Variants in FANCI observed in about 807,000 individuals in gnomAD.
FANCI encodes Fanconi anemia group I protein.
Under a neutral mutation model 176.1 loss-of-function variants are expected in FANCI, and 156 were observed. That is an observed-to-expected ratio of 0.89 (90% CI 0.78 to 1.01). The LOEUF (loss-of-function observed/expected upper bound fraction) is 1.01, where lower values mean the gene tolerates loss of function less well. FANCI is among the 50% of genes least tolerant of loss of function. The probability of loss-of-function intolerance (pLI) is 0.00; values close to 1 mark genes in which losing one functional copy is unlikely to be tolerated. For missense variants in FANCI, 1,678 were observed against 1,534.1 expected (o/e 1.09, Z -1.57); for synonymous variants, 613 against 541.7 (o/e 1.13, Z -1.83).
intron 14 of FANCI, among the ~76,000 whole-genome samples, chr15:89,278,975 A>G (rs2151514323): frequency 6.6e-6 from 1 of 152,334 alleles, no homozygotes. Context: ...GAAAGCAACA[A>G]TTAACCAATA....
chr15:89,293,187 G>A, intron 22 of FANCI, 124 bp downstream of exon 22: 1 of 1,028,684 alleles, frequency 9.7e-7, no homozygotes, highest in Non-Finnish European at 1.5e-6. Context: ...TCTTAAATGA[G>A]CACCTAGTCT....
chr15:89,281,195 T>G lies in FANCI; in HGVS notation c.1407T>G (p.Tyr469Ter). The G allele has an allele frequency of 6.2e-7, 1 of 1,613,846 alleles. No homozygotes were observed. Among genetic ancestry groups the G allele is most frequent in the Non-Finnish European group, 8.5e-7 (1 of 1,179,796 alleles). ...FLDLLSNIVM[Y>*]APLVLQSCSS... ...ACCTGCTTTCAAATATCGTCATGTA[T>G]GCACCCTTAGTTCTTCAAAGTTGTT... The change falls in exon 15 of 38, where the codon TAT (tyrosine) becomes TAG (stop). Residue 469 changes from tyrosine (Y) to a stop codon, truncating the protein, a stop_gained. Coordinates refer to ENST00000310775, the MANE Select transcript of FANCI (RefSeq NM_001113378.2). LOFTEE classifies it high-confidence loss of function.
intron 10 of FANCI, among the ~76,000 whole-genome samples, chr15:89,269,711 A>T (rs995238232): frequency 2.0e-5 from 3 of 152,232 alleles, no homozygotes; most frequent in Non-Finnish European, 4.4e-5. Flanking sequence ...GAAGGCAGCC[A>T]TAGACAAAAT....
At chr15:89,311,882 G>A (rs949918750) in intron 34 of FANCI, among the ~76,000 whole-genome samples, 4 of 152,116 alleles carry the variant, frequency 2.6e-5, no homozygotes, top group Non-Finnish European at 4.4e-5. Flanking sequence ...TTTCTGTACC[G>A]TACCTTACAT....
intron 2 of FANCI, among the ~76,000 whole-genome samples, chr15:89,249,737 G>T (rs927875712): frequency 1.3e-5 from 2 of 152,156 alleles, no homozygotes; most frequent in Non-Finnish European, 2.9e-5. Flanking sequence ...ACAACTTCTT[G>T]AAATGAAAAC....
intron 2 of FANCI, among the ~76,000 whole-genome samples, chr15:89,253,066 A>G (rs1436311078): frequency 6.6e-6 from 1 of 152,214 alleles, no homozygotes; most frequent in African/African-American, 2.4e-5. Context: ...TTTTATAAAT[A>G]AGAGTGCAGT....
chr15:89,250,512 G>A (rs1402702405), intron 2 of FANCI, among the ~76,000 whole-genome samples: 3 of 148,032 alleles, frequency 2.0e-5, no homozygotes, highest in Admixed American at 1.4e-4. Flanking sequence ...ACTTGGACAC[G>A]GGAATGGGAA....
chr15:89,247,695 A>G lies in FANCI; in HGVS notation c.48A>G (p.Lys16=). 6.2e-7 allele frequency: 1 copy of G among 1,614,022 alleles called. No homozygotes were observed. Among genetic ancestry groups the G allele is most frequent in the Non-Finnish European group, 8.5e-7 (1 of 1,179,980 alleles). Residue 16 remains lysine, a synonymous_variant, in exon 2 of 38, where the codon AAA becomes AAG. Coordinates refer to ENST00000310775, the MANE Select transcript of FANCI (RefSeq NM_001113378.2). ...TAGCAGCAGAAAAAACAGCAGACAA[A>G]CTGCAAGAATTTCTTCAAACCCTGA... ...LSLAAEKTAD[K]LQEFLQTLRE...
intron 2 of FANCI, among the ~76,000 whole-genome samples, chr15:89,248,046 A>G (rs1444706043): frequency 6.6e-6 from 1 of 152,252 alleles, no homozygotes; most frequent in Non-Finnish European, 1.5e-5. Context: ...TTTGATGATA[A>G]TATCCAGACT....
chr15:89,293,962 G>T lies in FANCI; in HGVS notation c.2421G>T (p.Met807Ile). Residue 807 changes from methionine (M) to isoleucine (I), a missense_variant, in exon 23 of 38, where the codon ATG (methionine) becomes ATT (isoleucine). Coordinates refer to ENST00000310775, the MANE Select transcript of FANCI (RefSeq NM_001113378.2). ...ANKTSDSLLSMKFVSSLLTAL... is the reference protein window; with the variant it reads ...ANKTSDSLLSIKFVSSLLTAL... Reference sequence around the variant, plus strand: ...AGACAAGTGATAGTCTTTTGTCCATGAAATTTGTGTCCAGTCTTCTCACTG... The same window carrying T: ...AGACAAGTGATAGTCTTTTGTCCATTAAATTTGTGTCCAGTCTTCTCACTG... 2 of 1,614,164 alleles carry T rather than the reference G, an allele frequency of 1.2e-6. No individual in the cohort carries two copies. Among genetic ancestry groups the T allele is most frequent in the Non-Finnish European group, 1.7e-6 (2 of 1,180,030 alleles).
At chr15:89,256,703 C>G (rs1476399824) in intron 2 of FANCI, among the ~76,000 whole-genome samples, 1 of 152,130 alleles carries the variant, frequency 6.6e-6, no homozygotes, top group Non-Finnish European at 1.5e-5. Context: ...GGCACTTCCA[C>G]TTGGATATCT....
At chr15:89,311,804 C>T (rs539824120) in intron 34 of FANCI, among the ~76,000 whole-genome samples, 4 of 152,298 alleles carry the variant, frequency 2.6e-5, no homozygotes, top group Non-Finnish European at 5.9e-5. Context: ...CTGTTGCCCT[C>T]GTGGAGCATG....
At chr15:89,290,940 A>G (rs2054041017) in intron 19 of FANCI, among the ~76,000 whole-genome samples, 1 of 152,198 alleles carries the variant, frequency 6.6e-6, no homozygotes, top group African/African-American at 2.4e-5. Context: ...GCTTGATCCT[A>G]TATAAAATTT....
At chr15:89,282,917 ATGAGT>A (rs1370939449) in intron 16 of FANCI, 4 of 555,618 alleles carry the variant, frequency 7.2e-6, no homozygotes, top group African/African-American at 1.9e-5. Context: ...GTAGAGTATC[ATGAGT>A]TAAGTATTGA....
intron 6 of FANCI, among the ~76,000 whole-genome samples, chr15:89,262,559 G>T (rs114229964): frequency 0.011 from 1,736 of 152,230 alleles, 30 homozygotes; most frequent in African/African-American, 0.04. Flanking sequence ...CTGTGATTGC[G>T]TGTAGGTTTG....
In FANCI at chr15:89,266,217, AGTG is replaced by A. The variant is rs530117959; in HGVS notation, c.755+1614_755+1616del. Among the ~76,000 whole-genome samples, 29 of 145,224 alleles carry A rather than the reference AGTG, an allele frequency of 2.0e-4. 1 individual carries two copies. Among genetic ancestry groups the A allele is most frequent in the Admixed American group, 1.1e-3 (16 of 14,300 alleles). Reference sequence around the variant, plus strand: ...GTCTCTGTCACCCAGGCTGGAGTACAGTGGTGTGATCTCGGCTCACTGCAACCT... The same window carrying A: ...GTCTCTGTCACCCAGGCTGGAGTACAGTGTGATCTCGGCTCACTGCAACCT... On this transcript the variant is annotated intron_variant, in intron 9 of 37. Coordinates refer to ENST00000310775, the MANE Select transcript of FANCI (RefSeq NM_001113378.2).
intron 17 of FANCI, among the ~76,000 whole-genome samples, chr15:89,283,758 T>TC (rs535836417): frequency 9.3e-4 from 141 of 151,336 alleles, no homozygotes; most frequent in African/African-American, 3.4e-3. Context: ...TATATTTCTT[T>TC]CTTTTTTTTT....
At chr15:89,310,124 G>A (rs114074359) in intron 34 of FANCI, among the ~76,000 whole-genome samples, 1 of 152,300 alleles carries the variant, frequency 6.6e-6, no homozygotes, top group Admixed American at 6.5e-5. Context: ...AGTTAGACTC[G>A]ATAGCAGGAA....
chr15:89,268,475 GC>G lies in FANCI; in HGVS notation c.834del (p.Ile279SerfsTer7), dbSNP rs748961800. On this transcript the variant is annotated frameshift_variant, in exon 10 of 38. Transcript: ENST00000310775. LOFTEE classifies it high-confidence loss of function. ...EGTIILHIVF[A>X]IKLDYELGRE... ...CACCATTATTCTACACATTGTGTTT[GC>G]CATCAAATTGGACTATGAACTAGGC... The G allele has an allele frequency of 3.1e-6, 5 of 1,614,022 alleles. No individual in the cohort carries two copies. In the African/African-American group the frequency reaches 6.7e-5, roughly 22 times the overall value.
Sources: gnomAD v4.1 joint callset for allele counts (sites outside exome capture counted in the v4.1 genomes callset) on GRCh38, gnomAD v4.1.1 for gene constraint, MANE v1.5 for transcripts, NCBI Gene and HGNC (gene_info 2026-07-23, HGNC 2026-07-21) for gene names.